The following LORICRIN variants were observed in gnomAD, a reference collection of about 807,000 sequenced individuals.
LORICRIN encodes the protein loricrin cornified envelope precursor protein.
Under a neutral mutation model 3.3 loss-of-function variants are expected in LORICRIN, and 5 were observed. The ratio of observed to expected loss-of-function variants is 1.52; its 90% CI spans 0.79 to 3.19. The LOEUF is 3.19. Ranked by LOEUF, LORICRIN falls within the 30% of genes most tolerant of loss-of-function variation. The probability of loss-of-function intolerance (pLI) is 0.00; values close to 1 mark genes in which losing one functional copy is unlikely to be tolerated. For missense variants in LORICRIN, 524 were observed against 460.2 expected (o/e 1.14, Z -1.27); for synonymous variants, 237 against 231.4 (o/e 1.02, Z -0.22).
At chr1:153,260,149 T>C (rs1658729522) in intron 1 of LORICRIN, among the ~76,000 whole-genome samples, 1 of 151,978 alleles carries the variant, frequency 6.6e-6, no homozygotes. Flanking sequence ...ATGGGAGGGA[T>C]TTCAGGTGCC....
At position 153,261,558 on chromosome 1, in the gene LORICRIN, C is replaced by G. The variant is rs1429395640; in HGVS notation, c.609C>G (p.Gly203=). 6.6e-7 allele frequency: 1 copy of G among 1,511,992 alleles called. No individual in the cohort carries two copies. Among genetic ancestry groups the G allele is most frequent in the Admixed American group, 2.0e-5 (1 of 49,686 alleles). 93.7% of individuals were successfully genotyped at this position (1,511,992 alleles called of 1,614,324 possible). Residue 203 remains glycine, a synonymous_variant, in exon 2 of 2, where the codon GGC becomes GGG. Transcript: ENST00000368742. ...GCTGCGGCGGAGGCTCCTCTGGCGG[C>G]AGCGGCTCCGGCTACGTCTCCTCGC... ...GSGCGGGSSG[G]SGSGYVSSQQ...
At chr1:153,260,328 C>T (rs1658734044) in intron 1 of LORICRIN, among the ~76,000 whole-genome samples, 1 of 152,210 alleles carries the variant, frequency 6.6e-6, no homozygotes, top group Admixed American at 6.5e-5. Flanking sequence ...GGGTCCTTCC[C>T]CTGTTTCCAG....
Position 153,260,961 on chromosome 1 carries a change from G to C in LORICRIN, c.12G>C (p.Gln4His), listed in dbSNP as rs377306869. 16 of 1,598,140 alleles carry C rather than the reference G, an allele frequency of 1.0e-5. No homozygotes were observed. The highest frequency in any genetic ancestry group is 1.2e-5 in the Non-Finnish European group (14 of 1,172,570). Reference sequence around the variant, plus strand: ...CCTTCTCAGACAAGATGTCTTATCAGAAAAAGCAGCCCACCCCTCAGCCCC... The same window carrying C: ...CCTTCTCAGACAAGATGTCTTATCACAAAAAGCAGCCCACCCCTCAGCCCC... MSYQKKQPTPQPPV... is the reference protein window; with the variant it reads MSYHKKQPTPQPPV... The change falls in exon 2 of 2, where the codon CAG (glutamine) becomes CAC (histidine). Residue 4 changes from glutamine (Q) to histidine (H), a missense_variant. Coordinates refer to ENST00000368742, the MANE Select transcript of LORICRIN (RefSeq NM_000427.3).
rs1557795760 is a variant in LORICRIN at position 153,261,529 on chromosome 1, T to TCTGGCGGCGGCC, written c.585_586insGGCGGCCCTGGC (p.Gly195_Cys196insGlyGlyProGly). The TCTGGCGGCGGCC allele has an allele frequency of 2.0e-6, 3 of 1,497,730 alleles. No individual in the cohort carries two copies. Among genetic ancestry groups the TCTGGCGGCGGCC allele is most frequent in the Non-Finnish European group, 2.7e-6 (3 of 1,130,056 alleles). 92.8% of individuals were successfully genotyped at this position (1,497,730 alleles called of 1,614,324 possible). ...TGTCTGCGGCTACTCTGGCGGCGGCTCTGGCTGCGGCGGAGGCTCCTCTGG... is the reference window on the plus strand; with the variant it reads ...TGTCTGCGGCTACTCTGGCGGCGGCTCTGGCGGCGGCCCTGGCTGCGGCGGAGGCTCCTCTGG... On this transcript the variant is annotated inframe_insertion, in exon 2 of 2. Coordinates refer to ENST00000368742, the MANE Select transcript of LORICRIN (RefSeq NM_000427.3).
At chr1:153,260,823 C>A in intron 1 of LORICRIN, 104 bp from the exon 2 acceptor site, 1 of 769,334 alleles carries the variant, frequency 1.3e-6, no homozygotes. Context: ...TCTCCGGGCA[C>A]CTGAAGGAGC....
Position 153,261,660 on chromosome 1 carries a change from A to C in LORICRIN, c.711A>C (p.Gly237=), listed in dbSNP as rs1658799898. ...CGTCCGGCGGCGGCGGCAGCGGCGG[A>C]AGCGGCTGCTTCTCCAGCGGCGGGG... ...GGSSGGGGSG[G]SGCFSSGGGG... is the part of the protein sequence containing the mutation. The change falls in exon 2 of 2, where the codon GGA becomes GGC. Residue 237 remains glycine (G), a synonymous_variant. Transcript: ENST00000368742. 2 of 1,431,810 alleles carry C rather than the reference A, an allele frequency of 1.4e-6. No homozygotes were observed. The highest frequency in any genetic ancestry group is 1.3e-5 in the South Asian group (1 of 79,446). 88.7% of individuals were successfully genotyped at this position (1,431,810 alleles called of 1,614,324 possible).
chr1:153,261,107 A>T lies in LORICRIN; in HGVS notation c.158A>T (p.Tyr53Phe). Reference protein sequence around the residue: ...GGGSSGSGCGYSGGGGYSGGG... With the variant: ...GGGSSGSGCGFSGGGGYSGGG... Reference sequence around the variant, plus strand: ...GGTAGCAGCGGTTCTGGCTGCGGCTACTCCGGCGGCGGTGGCTACTCTGGC... The same window carrying T: ...GGTAGCAGCGGTTCTGGCTGCGGCTTCTCCGGCGGCGGTGGCTACTCTGGC... Residue 53 changes from tyrosine to phenylalanine, a missense_variant, in exon 2 of 2, where the codon TAC becomes TTC. Transcript: ENST00000368742. 1 of 1,353,550 alleles carries T rather than the reference A, an allele frequency of 7.4e-7. No homozygotes were observed. The highest frequency in any genetic ancestry group is 1.7e-5 in the African/African-American group (1 of 57,534). 83.8% of individuals were successfully genotyped at this position (1,353,550 alleles called of 1,614,324 possible).
At chr1:153,259,862 A>G (rs1302398812) in intron 1 of LORICRIN, 129 bp downstream of exon 1, 2 of 152,328 alleles carry the variant, frequency 1.3e-5, no homozygotes, top group Non-Finnish European at 2.9e-5. Flanking sequence ...AAGCACTCAC[A>G]TTTAGAGGGC....
In LORICRIN at chr1:153,261,503, C is replaced by T. The variant is rs1373375375; in HGVS notation, c.554C>T (p.Ser185Phe). 4.0e-6 allele frequency: 4 copies of T among 999,208 alleles called. No individual in the cohort carries two copies. Among genetic ancestry groups the T allele is most frequent in the Non-Finnish European group, 5.2e-6 (4 of 769,894 alleles). The allele number at this position is 999,208 out of a possible 1,614,324, so 61.9% of individuals were successfully genotyped here. The change falls in exon 2 of 2, where the codon TCT (serine) becomes TTT (phenylalanine). Residue 185 changes from serine (S) to phenylalanine (F), a missense_variant. Coordinates refer to ENST00000368742, the MANE Select transcript of LORICRIN (RefSeq NM_000427.3). ...GCFSSGGGGG[S>F]VCGYSGGGSG... ...TTCTCCAGCGGCGGGGGCGGCGGCTCTGTCTGCGGCTACTCTGGCGGCGGC... is the reference window on the plus strand; with the variant it reads ...TTCTCCAGCGGCGGGGGCGGCGGCTTTGTCTGCGGCTACTCTGGCGGCGGC...
At position 153,261,168 on chromosome 1, in the gene LORICRIN, C is replaced by T; in HGVS notation, c.219C>T (p.Gly73=). 2.3e-6 allele frequency: 3 copies of T among 1,329,876 alleles called. No homozygotes were observed. Among genetic ancestry groups the T allele is most frequent in the South Asian group, 2.1e-5 (1 of 48,630 alleles). 82.4% of individuals were successfully genotyped at this position (1,329,876 alleles called of 1,614,324 possible). ...GCGGGSSGGG[G]GGGIGGCGGG... ...GCGGGGGCTCCTCCGGCGGCGGGGG[C>T]GGGGGCGGCATTGGAGGCTGCGGAG... is the stretch of plus-strand genomic sequence containing the variant. Residue 73 remains glycine, a synonymous_variant, in exon 2 of 2, where the codon GGC becomes GGT. Transcript: ENST00000368742.
chr1:153,261,627 AG>A lies in LORICRIN; in HGVS notation c.684del (p.Ser229ArgfsTer110), dbSNP rs886041212. ...CGTGCGCGCCCCAGCCGAGTTACGG[AG>A]GGGGGTCGTCCGGCGGCGGCGGCAG... ...TSCAPQPSYG[G>X]GSSGGGGSGG... is the part of the protein sequence containing the mutation. On this transcript the variant is annotated frameshift_variant, in exon 2 of 2. Transcript: ENST00000368742. LOFTEE classifies it low-confidence loss of function (END_TRUNC). 6.7e-7 allele frequency: 1 copy of A among 1,487,820 alleles called. No homozygotes were observed. Among genetic ancestry groups the A allele is most frequent in the African/African-American group, 1.6e-5 (1 of 62,138 alleles). The allele number at this position is 1,487,820 out of a possible 1,614,324, so 92.2% of individuals were successfully genotyped here. A position where few individuals can be genotyped will look rare whatever the true frequency, so the allele number is the denominator to read the frequency against.
intron 1 of LORICRIN, among the ~76,000 whole-genome samples, 188 bp from the exon 2 acceptor site, chr1:153,260,739 T>C (rs573141497): frequency 1.3e-5 from 2 of 152,286 alleles, no homozygotes; most frequent in African/African-American, 4.8e-5. Flanking sequence ...TAAAGCATAA[T>C]GAAGGCTTTC....
In LORICRIN at chr1:153,261,189, C is replaced by T; in HGVS notation, c.240C>T (p.Cys80=). The T allele has an allele frequency of 7.5e-7, 1 of 1,331,378 alleles. No homozygotes were observed. The highest frequency in any genetic ancestry group is 9.6e-7 in the Non-Finnish European group (1 of 1,045,546). 82.5% of individuals were successfully genotyped at this position (1,331,378 alleles called of 1,614,324 possible). ...GGGGCGGGGGCGGCATTGGAGGCTG[C>T]GGAGGGGGCTCCGGTGGGAGCGTCA... ...GGGGGGGIGG[C]GGGSGGSVKY... The change falls in exon 2 of 2, where the codon TGC becomes TGT. Residue 80 remains cysteine (C), a synonymous_variant. Coordinates refer to ENST00000368742, the MANE Select transcript of LORICRIN (RefSeq NM_000427.3).
Position 153,261,309 on chromosome 1 carries a change from C to T in LORICRIN, c.360C>T (p.Gly120=). ...GSGCFSSGGG[G]SSGGGSGCFS... The stretch of plus-strand genomic sequence containing the variant: ...GCTGCTTCTCCTCCGGTGGCGGCGG[C>T]TCCTCCGGGGGCGGCTCCGGCTGCT... The change falls in exon 2 of 2, where the codon GGC becomes GGT. Residue 120 remains glycine, a synonymous_variant. Coordinates refer to ENST00000368742, the MANE Select transcript of LORICRIN (RefSeq NM_000427.3). 1 of 1,460,054 alleles carries T rather than the reference C, an allele frequency of 6.8e-7. No individual in the cohort carries two copies. Among genetic ancestry groups the T allele is most frequent in the African/African-American group, 1.5e-5 (1 of 66,616 alleles). The allele number at this position is 1,460,054 out of a possible 1,614,324, so 90.4% of individuals were successfully genotyped here.
At position 153,261,971 on chromosome 1, in the gene LORICRIN, C is replaced by G. The variant is rs1394392341; in HGVS notation, c.*83C>G. ...GGGCTTAGAGCTCTCATGATGCTAC[C>G]CGAGGTTTGCAAATCCTTCATGTCT... On this transcript the variant is annotated 3_prime_UTR_variant, in exon 2 of 2. Coordinates refer to ENST00000368742, the MANE Select transcript of LORICRIN (RefSeq NM_000427.3). The G allele has an allele frequency of 7.1e-7, 1 of 1,413,006 alleles. No homozygotes were observed. Among genetic ancestry groups the G allele is most frequent in the Non-Finnish European group, 9.8e-7 (1 of 1,018,834 alleles). 87.5% of individuals were successfully genotyped at this position (1,413,006 alleles called of 1,614,324 possible).
At position 153,261,030 on chromosome 1, in the gene LORICRIN, C is replaced by T. The variant is rs746792442; in HGVS notation, c.81C>T (p.Gly27=). The T allele has an allele frequency of 9.0e-6, 13 of 1,440,270 alleles. No individual in the cohort carries two copies. The highest frequency in any genetic ancestry group is 3.4e-5 in the African/African-American group (2 of 58,302). 89.2% of individuals were successfully genotyped at this position (1,440,270 alleles called of 1,614,324 possible). A position where few individuals can be genotyped will look rare whatever the true frequency, so the allele number is the denominator to read the frequency against. The part of the protein sequence containing the change: ...VKTSGGGGGG[G]GSGGGGCGFF... The stretch of plus-strand genomic sequence containing the variant: ...CCTCTGGCGGCGGTGGCGGTGGCGG[C>T]GGCAGCGGCGGTGGTGGCTGCGGCT... The change falls in exon 2 of 2, where the codon GGC becomes GGT. Residue 27 remains glycine, a synonymous_variant. Coordinates refer to ENST00000368742, the MANE Select transcript of LORICRIN (RefSeq NM_000427.3).
chr1:153,261,110 C>A lies in LORICRIN; in HGVS notation c.161C>A (p.Ser54Tyr). 1.4e-6 allele frequency: 2 copies of A among 1,387,304 alleles called. No individual in the cohort carries two copies. Among genetic ancestry groups the A allele is most frequent in the Non-Finnish European group, 9.3e-7 (1 of 1,073,600 alleles). The allele number at this position is 1,387,304 out of a possible 1,614,324, so 85.9% of individuals were successfully genotyped here. A position where few individuals can be genotyped will look rare whatever the true frequency, so the allele number is the denominator to read the frequency against. Residue 54 changes from serine to tyrosine, a missense_variant, in exon 2 of 2, where the codon TCC (serine) becomes TAC (tyrosine). Coordinates refer to ENST00000368742, the MANE Select transcript of LORICRIN (RefSeq NM_000427.3). ...AGCAGCGGTTCTGGCTGCGGCTACT[C>A]CGGCGGCGGTGGCTACTCTGGCGGC... Reference protein sequence around the residue: ...GGSSGSGCGYSGGGGYSGGGC... With the variant: ...GGSSGSGCGYYGGGGYSGGGC...
chr1:153,260,920 C>A lies in LORICRIN; in HGVS notation c.-23-7C>A. The A allele has an allele frequency of 6.4e-7, 1 of 1,558,992 alleles. No individual in the cohort carries two copies. The highest frequency in any genetic ancestry group is 8.7e-7 in the Non-Finnish European group (1 of 1,144,454). On this transcript the variant is annotated splice_polypyrimidine_tract_variant and splice_region_variant and intron_variant, in intron 1 of 1. Transcript: ENST00000368742. ...TGGTCCAGCGATGCTCTCTTCTCCC[C>A]TTCCAGGCTCTCCTTCCTTCTCAGA...
In LORICRIN at chr1:153,261,654, CGG is replaced by C; in HGVS notation, c.706_707del (p.Gly236ArgfsTer99). The stretch of plus-strand genomic sequence containing the variant: ...GGGGGTCGTCCGGCGGCGGCGGCAG[CGG>C]CGGAAGCGGCTGCTTCTCCAGCGGC... ...GGGSSGGGGSGGSGCFSSGGG... is the reference protein window; with the variant it reads ...GGGSSGGGGSXGSGCFSSGGG... On this transcript the variant is annotated frameshift_variant, in exon 2 of 2. Transcript: ENST00000368742. LOFTEE classifies it low-confidence loss of function (END_TRUNC). 6.6e-7 allele frequency: 1 copy of C among 1,511,738 alleles called. No individual in the cohort carries two copies. 93.6% of individuals were successfully genotyped at this position (1,511,738 alleles called of 1,614,324 possible).
Sources: gnomAD v4.1 joint callset for allele counts (sites outside exome capture counted in the v4.1 genomes callset) on GRCh38, gnomAD v4.1.1 for gene constraint, MANE v1.5 for transcripts, NCBI Gene and HGNC (gene_info 2026-07-23, HGNC 2026-07-21) for gene names.